Variants in FN1 observed in about 807,000 individuals in gnomAD.
The protein encoded by FN1 is fibronectin 1.
FN1 carries 106 observed loss-of-function variants against 297.3 expected under a neutral mutation model. The observed-to-expected ratio is 0.36, with a 90% CI of 0.30 to 0.42. The LOEUF (loss-of-function observed/expected upper bound fraction) is 0.42, where lower values mean the gene tolerates loss of function less well. Ranked by LOEUF, FN1 falls within the 10% of genes least tolerant of loss-of-function variation. FN1 has a pLI of 1.00. For missense variants in FN1, 2,690 were observed against 3,124.9 expected, an observed-to-expected ratio of 0.86 and a Z score of 3.32; for synonymous variants, 1,149 against 1,152.6, an observed-to-expected ratio of 1.00 and a Z score of 0.06.
intron 4 of FN1, 109 bp downstream of exon 4, chr2:215,431,723 AT>A: frequency 5.4e-6 from 6 of 1,110,672 alleles, no homozygotes; most frequent in Non-Finnish European, 8.3e-6. Context: ...CCATTTCTTT[AT>A]TGGTTTTCAC....
intron 24 of FN1, among the ~76,000 whole-genome samples, chr2:215,393,992 G>C (rs2060017377): frequency 6.6e-6 from 1 of 152,144 alleles, no homozygotes; most frequent in African/African-American, 2.4e-5. Flanking sequence ...CTGAAGGTGT[G>C]ACTTTTACTT....
intron 31 of FN1, among the ~76,000 whole-genome samples, chr2:215,383,099 A>C (rs1340018799): frequency 2.6e-5 from 4 of 151,096 alleles, no homozygotes; most frequent in Non-Finnish European, 4.4e-5. Context: ...CTGCCTCCAG[A>C]CTTCAAGCCA....
chr2:215,373,619 A>G (rs994668206), intron 38 of FN1, among the ~76,000 whole-genome samples: 4 of 150,854 alleles, frequency 2.7e-5, no homozygotes, highest in African/African-American at 7.4e-5. Context: ...TTATCTTACT[A>G]TCATATCTGA....
intron 11 of FN1, among the ~76,000 whole-genome samples, chr2:215,420,252 T>A (rs751541663): frequency 1.3e-5 from 2 of 152,052 alleles, no homozygotes; most frequent in Non-Finnish European, 2.9e-5. Flanking sequence ...GGCAGCAGAA[T>A]TGCTTGAACC....
chr2:215,375,968 A>G (rs554043989), intron 36 of FN1, among the ~76,000 whole-genome samples: 2 of 152,326 alleles, frequency 1.3e-5, no homozygotes, highest in Admixed American at 6.5e-5. Flanking sequence ...CAAAAATGCT[A>G]TGTTGGAAGA....
intron 26 of FN1, among the ~76,000 whole-genome samples, chr2:215,389,389 C>T (rs958020601): frequency 3.9e-5 from 6 of 151,922 alleles, no homozygotes; most frequent in Non-Finnish European, 8.8e-5. Context: ...AGGCGTGAGC[C>T]ACTGTGCCCA....
chr2:215,417,718 C>T (rs1204049195), intron 12 of FN1, among the ~76,000 whole-genome samples: 1 of 152,188 alleles, frequency 6.6e-6, no homozygotes, highest in African/African-American at 2.4e-5. Flanking sequence ...CACCTCTATG[C>T]TCAGTGGGAT....
Position 215,394,760 on chromosome 2 carries a change from T to G in FN1, c.3605-41A>C, listed in dbSNP as rs764353225. On this transcript the variant is annotated intron_variant, in intron 23 of 45. Coordinates refer to ENST00000354785, the MANE Select transcript of FN1 (RefSeq NM_212482.4). The stretch of plus-strand genomic sequence containing the variant: ...AAGGGAAGTTATTGCACAGAGGATC[T>G]GTGAGCCAGAGCATATTTAACTAGA... 15 of 1,502,274 alleles carry G rather than the reference T, an allele frequency of 1.0e-5. No homozygotes were observed. In the South Asian group the frequency reaches 1.7e-4, roughly 17 times the overall value. The allele number at this position is 1,502,274 out of a possible 1,614,324, so 93.1% of individuals were successfully genotyped here. A position where few individuals can be genotyped will look rare whatever the true frequency, so the allele number is the denominator to read the frequency against.
At chr2:215,385,728 C>T (rs1235430788) in intron 28 of FN1, among the ~76,000 whole-genome samples, 1 of 151,736 alleles carries the variant, frequency 6.6e-6, no homozygotes, top group Admixed American at 6.6e-5. Context: ...ACACTATTAC[C>T]CTAAAATTAT....
intron 31 of FN1, 66 bp from the exon 32 acceptor site, chr2:215,382,391 C>G: frequency 9.7e-7 from 1 of 1,028,760 alleles, no homozygotes; most frequent in South Asian, 1.3e-5. Context: ...CAAGTGGCGT[C>G]TAGAGTTTGG....
intron 40 of FN1, among the ~76,000 whole-genome samples, chr2:215,371,289 C>T (rs954508088): frequency 1.3e-5 from 2 of 151,638 alleles, no homozygotes; most frequent in African/African-American, 4.8e-5. Flanking sequence ...AAAATGGATA[C>T]TGTCAACACA....
chr2:215,426,143 C>CTTTTTTTTTTTT (rs58002948), intron 6 of FN1, among the ~76,000 whole-genome samples: 13 of 101,086 alleles, frequency 1.3e-4, no homozygotes, highest in Non-Finnish European at 2.4e-4. Flanking sequence ...TTTCTTTTTT[C>CTTTTTTTTTTTT]TTTTTTTTTT....
intron 38 of FN1, among the ~76,000 whole-genome samples, chr2:215,373,844 A>G (rs2056751148): frequency 1.3e-5 from 2 of 151,668 alleles, no homozygotes; most frequent in East Asian, 1.9e-4. Flanking sequence ...ACGCCTGGCT[A>G]ATTTTGTTTT....
At chr2:215,420,539 G>A in intron 11 of FN1, 134 bp downstream of exon 11, 1 of 1,121,372 alleles carries the variant, frequency 8.9e-7, no homozygotes, top group East Asian at 2.4e-5. Context: ...AGAAGACTTT[G>A]CAAAGTTCTT....
chr2:215,408,268 T>C (rs1486488114), intron 16 of FN1, 30 bp downstream of exon 16: 4 of 1,613,942 alleles, frequency 2.5e-6, no homozygotes, highest in South Asian at 2.2e-5. Flanking sequence ...CAGAAAAAGA[T>C]TCTTTTAACA....
chr2:215,362,068 A>G lies in FN1; in HGVS notation c.7263T>C (p.Cys2421=), dbSNP rs149830916. 40 of 1,613,750 alleles carry G rather than the reference A, an allele frequency of 2.5e-5. No homozygotes were observed. Among genetic ancestry groups the G allele is most frequent in the Non-Finnish European group, 3.3e-5 (39 of 1,179,796 alleles). The part of the protein sequence containing the change: ...TCFGGQRGWR[C]DNCRRPGGEP... Reference sequence around the variant, plus strand: ...CACCCCCAGGTCTGCGGCAGTTGTCACAGCGCCAGCCCTGAGAGAGTAGAG... The same window carrying G: ...CACCCCCAGGTCTGCGGCAGTTGTCGCAGCGCCAGCCCTGAGAGAGTAGAG... The change falls in exon 45 of 46, where the codon TGT becomes TGC. Residue 2421 remains cysteine, a synonymous_variant. Transcript: ENST00000354785.
In FN1 at chr2:215,433,196, ACCTG is replaced by A. The variant is rs371624165; in HGVS notation, c.415+124_415+127del. ...ACCAGTTGGGTGACCACTTAAGAGT[ACCTG>A]GTCACCAGGGGCAAACCTCAAAGTT... On this transcript the variant is annotated intron_variant, in intron 3 of 45. Coordinates refer to ENST00000354785, the MANE Select transcript of FN1 (RefSeq NM_212482.4). 2.6e-4 allele frequency: 290 copies of A among 1,116,782 alleles called. 1 individual carries two copies. In the Middle Eastern group the frequency reaches 4.3e-3, roughly 17 times the overall value. The allele number at this position is 1,116,782 out of a possible 1,614,324, so 69.2% of individuals were successfully genotyped here. A position where few individuals can be genotyped will look rare whatever the true frequency, so the allele number is the denominator to read the frequency against.
intron 6 of FN1, among the ~76,000 whole-genome samples, chr2:215,426,734 CT>C (rs1300344701): frequency 2.0e-5 from 3 of 152,162 alleles, no homozygotes; most frequent in Non-Finnish European, 2.9e-5. Flanking sequence ...GCTTCTCAAA[CT>C]TTTTTGAACA....
chr2:215,404,586 G>A lies in FN1; in HGVS notation c.3056C>T (p.Pro1019Leu), dbSNP rs1437073244. ...TDSTVLVRWT[P>L]PRAQITGYRL... ...GTATCCTGTTATCTGGGCCCGAGGT[G>A]GAGTCCATCTCACCAGGACAGTAGA... The change falls in exon 20 of 46, where the codon CCA becomes CTA. Residue 1019 changes from proline to leucine, a missense_variant. Physicochemically the swap from Pro to Leu is moderately conservative, Grantham distance 98. Around this residue, in one of 3 missense-constraint regions of FN1, gnomAD observed 1,743 missense variants for 1,945.2 expected, o/e 0.90. Transcript: ENST00000354785. 2 of 1,613,930 alleles carry A rather than the reference G, an allele frequency of 1.2e-6. No homozygotes were observed. Among genetic ancestry groups the A allele is most frequent in the Non-Finnish European group, 1.7e-6 (2 of 1,179,820 alleles).
Sources: allele counts gnomAD v4.1 joint callset (sites outside exome capture counted in the v4.1 genomes callset), GRCh38; gene constraint gnomAD v4.1.1; regional missense constraint gnomAD v4.1.1; transcripts MANE v1.5; gene names NCBI Gene and HGNC (gene_info 2026-07-23, HGNC 2026-07-21).